Variants in SLC66A2 observed in about 807,000 individuals in gnomAD.
SLC66A2 encodes the protein solute carrier family 66 member 2.
Under a neutral mutation model 25.5 loss-of-function variants are expected in SLC66A2, and 23 were observed. The ratio of observed to expected loss-of-function variants is 0.90; its 90% CI spans 0.65 to 1.28. The LOEUF is 1.28. SLC66A2 is among the 50% of genes most tolerant of loss of function. The pLI is 0.00. For synonymous variants in SLC66A2, 193 were observed against 166.5 expected (o/e 1.16, Z -1.23); for missense variants, 396 against 373.1 (o/e 1.06, Z -0.51).
intron 5 of SLC66A2, among the ~76,000 whole-genome samples, chr18:79,906,660 G>A (rs937906700): frequency 6.6e-5 from 10 of 152,156 alleles, no homozygotes; most frequent in African/African-American, 1.9e-4. Flanking sequence ...AATGCCCAAC[G>A]GGCATCTGAA....
In SLC66A2 at chr18:79,950,871, C is replaced by G. The variant is rs1477786349; in HGVS notation, c.56G>C (p.Trp19Ser). ...GAAGACCATGGCCGCGGCCGCGCCC[C>G]AGGACACCAGCTGGTGCAGTGGCAC... ...LLVPLHQLVS[W>S]GAAAAMVFGG... The change falls in exon 2 of 6, where the codon TGG (tryptophan) becomes TCG (serine). Residue 19 changes from tryptophan (W) to serine (S), a missense_variant. By Grantham distance (177) the Trp-to-Ser change is radical. Transcript: ENST00000397778. The G allele has an allele frequency of 7.5e-6, 12 of 1,606,642 alleles. No individual in the cohort carries two copies. Among genetic ancestry groups the G allele is most frequent in the Non-Finnish European group, 1.0e-5 (12 of 1,177,512 alleles).
chr18:79,915,229 C>G (rs998434930), intron 5 of SLC66A2, among the ~76,000 whole-genome samples: 3 of 152,116 alleles, frequency 2.0e-5, no homozygotes, highest in Non-Finnish European at 2.9e-5. Context: ...AAGCGCAGAC[C>G]GGATGAACTG....
At chr18:79,939,211 G>T (rs1987412192) in intron 3 of SLC66A2, among the ~76,000 whole-genome samples, 1 of 152,150 alleles carries the variant, frequency 6.6e-6, no homozygotes, top group Non-Finnish European at 1.5e-5. Flanking sequence ...TAGGTCGTCT[G>T]ACCATCCATG....
intron 5 of SLC66A2, among the ~76,000 whole-genome samples, chr18:79,916,916 G>C (rs1156940111): frequency 6.6e-6 from 1 of 152,266 alleles, no homozygotes; most frequent in Non-Finnish European, 1.5e-5. Context: ...TTTGCGATGG[G>C]TGTCTAAGTG....
intron 2 of SLC66A2, chr18:79,944,423 G>C (rs1987988916): frequency 6.6e-6 from 1 of 152,604 alleles, no homozygotes; most frequent in South Asian, 2.1e-4. Flanking sequence ...CAGGCTCCCA[G>C]GCCTTCTTGC....
At chr18:79,907,353 G>GTTT (rs35589700) in intron 5 of SLC66A2, among the ~76,000 whole-genome samples, 11 of 85,400 alleles carry the variant, frequency 1.3e-4, no homozygotes, top group African/African-American at 3.1e-4. Flanking sequence ...TTTTTTGGTT[G>GTTT]TTTTTTTTTT....
intron 3 of SLC66A2, among the ~76,000 whole-genome samples, chr18:79,943,082 C>T (rs1341581470): frequency 2.6e-5 from 4 of 152,186 alleles, no homozygotes; most frequent in Non-Finnish European, 5.9e-5. Flanking sequence ...CCAAGAGGAA[C>T]CGTGAAGATG....
In SLC66A2 at chr18:79,930,953, C is replaced by T. The variant is rs190574853; in HGVS notation, c.391+3016G>A. ...ACCATTTAAAAAGGGAGGAGGAAAT[C>T]GAACCATGTAGGAGTAAGGTTCCTG... On this transcript the variant is annotated intron_variant, in intron 4 of 5. Coordinates refer to ENST00000397778, the MANE Select transcript of SLC66A2 (RefSeq NM_025078.5). 1.1e-4 allele frequency among the ~76,000 whole-genome samples: 17 copies of T among 152,134 alleles called. No individual in the cohort carries two copies. The East Asian group carries it at 2.9e-3, about 26-fold the overall frequency.
chr18:79,923,877 A>C, intron 4 of SLC66A2, among the ~76,000 whole-genome samples: 1 of 152,058 alleles, frequency 6.6e-6, no homozygotes, highest in Non-Finnish European at 1.5e-5. Context: ...CTTTACAAAA[A>C]AAATAAAAAA....
intron 5 of SLC66A2, among the ~76,000 whole-genome samples, chr18:79,906,620 C>A (rs1982162993): frequency 2.6e-5 from 4 of 152,188 alleles, no homozygotes; most frequent in Admixed American, 2.6e-4. Context: ...TAAAAAAATT[C>A]TCATGACCCA....
chr18:79,926,596 C>T (rs1027778723), intron 4 of SLC66A2, among the ~76,000 whole-genome samples: 7 of 152,142 alleles, frequency 4.6e-5, no homozygotes, highest in African/African-American at 1.4e-4. Flanking sequence ...GGGTGCCTTT[C>T]ACCAGGCTAC....
rs1443702177 is a variant in SLC66A2, at chr18:79,940,485, A to G, written c.337+2844T>C. On this transcript the variant is annotated intron_variant, in intron 3 of 5. Coordinates refer to ENST00000397778, the MANE Select transcript of SLC66A2 (RefSeq NM_025078.5). This position sits in a 1 kb window ranked among gnomAD's most constrained non-coding sequence, Gnocchi z 4.1. ...CAAACCTGCACATGTACCTGAACTT[A>G]AAAGCTTAAAAAAAAAAACAGAACA... is the stretch of plus-strand genomic sequence containing the variant. Among the ~76,000 whole-genome samples the G allele has an allele frequency of 6.6e-6, 1 of 151,990 alleles. No homozygotes were observed. Among genetic ancestry groups the G allele is most frequent in the African/African-American group, 2.4e-5 (1 of 41,382 alleles).
chr18:79,916,111 T>TC (rs1316349076), intron 5 of SLC66A2: 47 of 177,854 alleles, frequency 2.6e-4, no homozygotes, highest in Non-Finnish European at 3.5e-4. Context: ...CCCGCAGTGC[T>TC]CCCGTACCCT....
In SLC66A2 at chr18:79,950,994, C is replaced by T. The variant is rs541428874; in HGVS notation, c.-68G>A. The T allele has an allele frequency of 4.1e-5, 50 of 1,232,476 alleles. No homozygotes were observed. The East Asian group carries it at 8.0e-4, about 20-fold the overall frequency. 76.3% of individuals were successfully genotyped at this position (1,232,476 alleles called of 1,614,324 possible). ...CGCGGGCCACCGGCCGCCTGCTCAT[C>T]GCCGCTCCGCGCGCTCCTGCGGCCT... On this transcript the variant is annotated 5_prime_UTR_variant, in exon 2 of 6. Transcript: ENST00000397778.
At chr18:79,905,920 G>A (rs529875075) in intron 5 of SLC66A2, among the ~76,000 whole-genome samples, 1 of 152,292 alleles carries the variant, frequency 6.6e-6, no homozygotes, top group South Asian at 2.1e-4. Context: ...TCTGGAAAAA[G>A]AGCCTTTTCA....
chr18:79,930,303 T>C (rs895239463), intron 4 of SLC66A2: 8 of 152,044 alleles, frequency 5.3e-5, no homozygotes, highest in Admixed American at 3.9e-4. Context: ...GAATAACATA[T>C]TCAAAGCACT....
At chr18:79,933,707 C>A (rs1986792744) in intron 4 of SLC66A2, among the ~76,000 whole-genome samples, 1 of 152,156 alleles carries the variant, frequency 6.6e-6, no homozygotes, top group African/African-American at 2.4e-5. Context: ...CTAAATTTTT[C>A]TCCTCCCTTC....
chr18:79,919,560 G>T (rs12607429), intron 4 of SLC66A2, among the ~76,000 whole-genome samples, 160 bp from the exon 5 acceptor site: 1,052 of 26,606 alleles, frequency 0.04, 93 homozygotes, highest in East Asian at 0.047. Context: ...AGGAACCGAG[G>T]GAGAGGTCAA....
intron 5 of SLC66A2, among the ~76,000 whole-genome samples, chr18:79,908,340 T>C (rs1982438876): frequency 6.6e-6 from 1 of 151,924 alleles, no homozygotes; most frequent in Non-Finnish European, 1.5e-5. Context: ...TTCCTGAATA[T>C]AGAATTCTGG....
Sources: allele counts gnomAD v4.1 joint callset (sites outside exome capture counted in the v4.1 genomes callset), GRCh38; gene constraint gnomAD v4.1.1; non-coding constraint Gnocchi (gnomAD v3.1); transcripts MANE v1.5; gene names NCBI Gene and HGNC (gene_info 2026-07-23, HGNC 2026-07-21).